CAPZA1: variants seen among roughly 807,000 people sequenced by gnomAD.
CAPZA1 encodes capping actin protein of muscle Z-line subunit alpha 1, also known as F-actin-capping protein subunit alpha-1.
Under a neutral mutation model 40.8 loss-of-function variants are expected in CAPZA1, and 10 were observed. The ratio of observed to expected loss-of-function variants is 0.25; its 90% CI spans 0.15 to 0.42. The LOEUF is 0.42. Among genes scored for constraint, CAPZA1 ranks in the 10% least tolerant of loss-of-function variants. The pLI, the probability that CAPZA1 is intolerant of heterozygous loss-of-function variation, is 1.00. For missense variants in CAPZA1, 277 were observed against 353.8 expected, an observed-to-expected ratio of 0.78 and a Z score of 1.74; for synonymous variants, 98 against 115.0, an observed-to-expected ratio of 0.85 and a Z score of 0.95.
Position 112,657,108 on chromosome 1 carries a change from G to C in CAPZA1, c.427-1914G>C, listed in dbSNP as rs568158222. 2.0e-5 allele frequency among the ~76,000 whole-genome samples: 3 copies of C among 152,076 alleles called. No homozygotes were observed. In the South Asian group the frequency reaches 6.2e-4, roughly 32 times the overall value. On this transcript the variant is annotated intron_variant, in intron 5 of 9. Coordinates refer to ENST00000263168, the MANE Select transcript of CAPZA1 (RefSeq NM_006135.3). ...GTAGAGACGGGGTTTCACTGTGTTG[G>C]CCAGGCTGGTCTTGAACTCCTGACC...
chr1:112,663,069 A>C (rs1671652990), intron 7 of CAPZA1, among the ~76,000 whole-genome samples: 1 of 152,006 alleles, frequency 6.6e-6, no homozygotes, highest in Non-Finnish European at 1.5e-5. Flanking sequence ...GGTTCAAGCG[A>C]TTCTCCTGCC....
chr1:112,646,071 A>C (rs904368763), intron 1 of CAPZA1, among the ~76,000 whole-genome samples: 2 of 152,222 alleles, frequency 1.3e-5, no homozygotes, highest in Non-Finnish European at 2.9e-5. Flanking sequence ...AAAAAGATAA[A>C]ATATAGAGGA....
Position 112,653,670 on chromosome 1 carries a change from T to C in CAPZA1, c.219+9T>C. The C allele has an allele frequency of 6.3e-7, 1 of 1,590,752 alleles. No individual in the cohort carries two copies. Among genetic ancestry groups the C allele is most frequent in the Non-Finnish European group, 8.6e-7 (1 of 1,161,350 alleles). ...AAGGATATGAAGATCAGGTAATAAT[T>C]GCCTTTTAGACAGGCTATGCCTGGC... On this transcript the variant is annotated intron_variant, in intron 4 of 9. Transcript: ENST00000263168.
intron 5 of CAPZA1, among the ~76,000 whole-genome samples, chr1:112,655,934 T>C (rs183234889): frequency 1.3e-5 from 2 of 152,310 alleles, no homozygotes; most frequent in Admixed American, 6.5e-5. Flanking sequence ...TTTATAAAAT[T>C]ATGGCATATT....
chr1:112,652,639 A>T (rs979562837), intron 3 of CAPZA1, among the ~76,000 whole-genome samples: 2 of 151,936 alleles, frequency 1.3e-5, no homozygotes, highest in Non-Finnish European at 2.9e-5. Flanking sequence ...TGCATGTGTG[A>T]GATGTGCCTC....
chr1:112,641,691 C>T (rs1215558280), intron 1 of CAPZA1, among the ~76,000 whole-genome samples: 3 of 151,792 alleles, frequency 2.0e-5, no homozygotes, highest in Non-Finnish European at 4.4e-5. Flanking sequence ...GAGTTCAAGA[C>T]GAGCCTAGCC....
intron 1 of CAPZA1, among the ~76,000 whole-genome samples, chr1:112,629,806 CAAG>C (rs1383674591): frequency 6.6e-6 from 1 of 152,180 alleles, no homozygotes; most frequent in African/African-American, 2.4e-5. Context: ...TTCTACCAAA[CAAG>C]AGAGTGTTTT....
At chr1:112,658,950 C>A in intron 5 of CAPZA1, 72 bp from the exon 6 acceptor site, 1 of 1,126,380 alleles carries the variant, frequency 8.9e-7, no homozygotes, top group Non-Finnish European at 1.4e-6. Context: ...TAACACTCTG[C>A]TTTTGTACAA....
intron 3 of CAPZA1, among the ~76,000 whole-genome samples, chr1:112,650,991 A>G (rs1311408076): frequency 6.6e-6 from 1 of 152,140 alleles, no homozygotes; most frequent in Non-Finnish European, 1.5e-5. Flanking sequence ...CAAATATTTG[A>G]TTTTCCATAG....
At chr1:112,624,952 C>T (rs1670777484) in intron 1 of CAPZA1, among the ~76,000 whole-genome samples, 1 of 152,148 alleles carries the variant, frequency 6.6e-6, no homozygotes, top group Non-Finnish European at 1.5e-5. Flanking sequence ...TAATTGAAAC[C>T]ATGTCTCTTT....
intron 7 of CAPZA1, among the ~76,000 whole-genome samples, chr1:112,662,311 A>G (rs551508127): frequency 6.6e-6 from 1 of 150,802 alleles, no homozygotes; most frequent in Admixed American, 6.6e-5. Context: ...GGGTCTCACT[A>G]TATTGCCCAG....
intron 7 of CAPZA1, among the ~76,000 whole-genome samples, chr1:112,662,912 G>GT (rs869197567): frequency 1.5e-5 from 2 of 132,170 alleles, no homozygotes; most frequent in Non-Finnish European, 3.4e-5. Flanking sequence ...ATCTGTTGTT[G>GT]TTTTTTTAAA....
At chr1:112,647,041 G>A (rs752320213) in intron 1 of CAPZA1, among the ~76,000 whole-genome samples, 169 bp from the exon 2 acceptor site, 1 of 152,126 alleles carries the variant, frequency 6.6e-6, no homozygotes. Flanking sequence ...GATAGTAACA[G>A]CTTTGGGGTG....
chr1:112,622,789 C>T (rs560693362), intron 1 of CAPZA1, among the ~76,000 whole-genome samples: 1 of 151,462 alleles, frequency 6.6e-6, no homozygotes, highest in African/African-American at 2.4e-5. Context: ...TTTTGAGAAA[C>T]AAGTTTATCA....
intron 7 of CAPZA1, among the ~76,000 whole-genome samples, chr1:112,663,244 G>A (rs189061811): frequency 2.1e-4 from 32 of 152,084 alleles, no homozygotes; most frequent in African/African-American, 7.0e-4. Context: ...GATTACAGGC[G>A]TGAGCCACTG....
chr1:112,627,891 C>T (rs1381635838), intron 1 of CAPZA1, among the ~76,000 whole-genome samples: 2 of 143,552 alleles, frequency 1.4e-5, no homozygotes, highest in African/African-American at 2.6e-5. Context: ...ACCCAGGAGA[C>T]GGAGGTTGCA....
intron 1 of CAPZA1, among the ~76,000 whole-genome samples, chr1:112,631,029 C>G (rs1209529782): frequency 6.6e-6 from 1 of 152,162 alleles, no homozygotes; most frequent in Admixed American, 6.5e-5. Context: ...AGCCCTACCC[C>G]AGACTAGTAC....
intron 8 of CAPZA1, among the ~76,000 whole-genome samples, chr1:112,668,103 G>A (rs568165854): frequency 1.2e-3 from 184 of 151,812 alleles, no homozygotes; most frequent in Non-Finnish European, 2.2e-3. Flanking sequence ...TGAGCAACAC[G>A]GTGAAACCCT....
At chr1:112,656,298 A>G (rs1389851364) in intron 5 of CAPZA1, among the ~76,000 whole-genome samples, 1 of 152,210 alleles carries the variant, frequency 6.6e-6, no homozygotes, top group Non-Finnish European at 1.5e-5. Flanking sequence ...TAAAATGGAA[A>G]TAATTGTTTT....
Sources: gnomAD v4.1 joint callset for allele counts (sites outside exome capture counted in the v4.1 genomes callset) on GRCh38, gnomAD v4.1.1 for gene constraint, MANE v1.5 for transcripts, NCBI Gene and HGNC (gene_info 2026-07-23, HGNC 2026-07-21) for gene names.